Variants in POLA1 observed in about 807,000 individuals in gnomAD.
POLA1 encodes DNA polymerase alpha catalytic subunit.
Under a neutral mutation model 124.0 loss-of-function variants are expected in POLA1, and 15 were observed. The observed-to-expected ratio is 0.12, with a 90% CI of 0.08 to 0.19. The LOEUF (loss-of-function observed/expected upper bound fraction) is 0.19. Among genes scored for constraint, POLA1 ranks in the 10% least tolerant of loss-of-function variants. POLA1 has a pLI of 1.00. For synonymous variants in POLA1, 408 were observed against 389.4 expected, an observed-to-expected ratio of 1.05 and a Z score of -0.56; for missense variants, 886 against 1,103.4, an observed-to-expected ratio of 0.80 and a Z score of 2.79.
chrX:24,714,242 C>T (rs1158087972), intron 4 of POLA1, among the ~76,000 whole-genome samples: 2 of 111,856 alleles, frequency 1.8e-5, no homozygotes, highest in Admixed American at 9.5e-5. Flanking sequence ...ACTGCAAGCT[C>T]CACCTTCTGG....
chrX:24,909,585 A>G (rs1274203540), intron 35 of POLA1, among the ~76,000 whole-genome samples: 2 of 110,158 alleles, frequency 1.8e-5, no homozygotes, highest in Non-Finnish European at 3.8e-5. Flanking sequence ...GTTCTGTTCC[A>G]TTGGTCTATA....
chrX:24,993,737 A>G (rs2048563518), intron 36 of POLA1, among the ~76,000 whole-genome samples: 1 of 111,708 alleles, frequency 9.0e-6, no homozygotes, highest in Non-Finnish European at 1.9e-5. Context: ...AAGACCTTCC[A>G]TATGTTATTG....
intron 26 of POLA1, among the ~76,000 whole-genome samples, chrX:24,762,390 A>T (rs1213238323): frequency 8.9e-6 from 1 of 112,368 alleles, no homozygotes; most frequent in Non-Finnish European, 1.9e-5. Flanking sequence ...AATAAGTGCT[A>T]AGAAAAGGCA....
intron 4 of POLA1, among the ~76,000 whole-genome samples, chrX:24,705,311 T>G (rs1253805568): frequency 8.9e-6 from 1 of 111,922 alleles, no homozygotes; most frequent in Non-Finnish European, 1.9e-5. Context: ...TTTTAAGCGG[T>G]ATTTTAAAAA....
chrX:24,919,257 C>T (rs1215242403), intron 35 of POLA1, among the ~76,000 whole-genome samples: 1 of 112,275 alleles, frequency 8.9e-6, no homozygotes, highest in Non-Finnish European at 1.9e-5. Context: ...TCTCTCTATG[C>T]CAGATTAAGT....
chrX:24,855,512 G>A (rs2061931530), intron 34 of POLA1, among the ~76,000 whole-genome samples: 1 of 111,614 alleles, frequency 9.0e-6, no homozygotes, highest in South Asian at 3.8e-4. Flanking sequence ...CAAGGAGTGG[G>A]TAGGTACATG....
chrX:24,992,081 A>C (rs977396998), intron 36 of POLA1, among the ~76,000 whole-genome samples: 1 of 112,027 alleles, frequency 8.9e-6, no homozygotes, highest in African/African-American at 3.2e-5. Context: ...AGTTTAAAAT[A>C]TGGATGTCAC....
At chrX:24,821,950 T>A (rs1452331814) in intron 31 of POLA1, among the ~76,000 whole-genome samples, 1 of 111,609 alleles carries the variant, frequency 9.0e-6, no homozygotes, top group Non-Finnish European at 1.9e-5. Flanking sequence ...AATGTCCAAA[T>A]AATTATGTGA....
intron 36 of POLA1, among the ~76,000 whole-genome samples, chrX:24,957,474 C>G (rs1431599410): frequency 9.1e-6 from 1 of 110,387 alleles, no homozygotes; most frequent in African/African-American, 3.3e-5. Context: ...AGGTGTATGC[C>G]CTAGAGACAG....
At chrX:24,890,670 C>A (rs1019965264) in intron 35 of POLA1, among the ~76,000 whole-genome samples, 1 of 112,540 alleles carries the variant, frequency 8.9e-6, no homozygotes, top group Non-Finnish European at 1.9e-5. Context: ...CATAGCCTTT[C>A]TAACATTTGG....
Position 24,972,822 on chromosome X carries a change from T to G in POLA1, c.4262-22983T>G, listed in dbSNP as rs763737222. Among the ~76,000 whole-genome samples the G allele has an allele frequency of 9.0e-4, 101 of 112,684 alleles. 1 individual carries two copies. Among genetic ancestry groups the G allele is most frequent in the Admixed American group, 3.4e-3 (36 of 10,675 alleles). On this transcript the variant is annotated intron_variant, in intron 36 of 36. Transcript: ENST00000379068. ...CTTTCCTGAGAAGCTAAGGAATCTG[T>G]AAAAGTCAGCAGGCTTATAGGATAA...
At chrX:24,705,284 A>T (rs1928722470) in intron 4 of POLA1, among the ~76,000 whole-genome samples, 1 of 111,922 alleles carries the variant, frequency 8.9e-6, no homozygotes, top group Admixed American at 9.6e-5. Context: ...CTCTCGAGCT[A>T]AGAATAGTTT....
chrX:24,754,529 C>T (rs1242603027), intron 26 of POLA1, among the ~76,000 whole-genome samples: 1 of 111,874 alleles, frequency 8.9e-6, no homozygotes, highest in Non-Finnish European at 1.9e-5. Flanking sequence ...GCTGGGACTA[C>T]AGGCATGAGC....
intron 36 of POLA1, among the ~76,000 whole-genome samples, chrX:24,973,377 A>G (rs2048326537): frequency 9.1e-6 from 1 of 109,667 alleles, no homozygotes; most frequent in Non-Finnish European, 1.9e-5. Context: ...AAAAAAGAAA[A>G]GGCAAGAAAG....
chrX:24,740,132 C>G (rs1206493787), intron 20 of POLA1, among the ~76,000 whole-genome samples: 1 of 111,723 alleles, frequency 9.0e-6, no homozygotes, highest in Non-Finnish European at 1.9e-5. Flanking sequence ...GAACTCCCAG[C>G]TTGTTCAAAA....
intron 30 of POLA1, among the ~76,000 whole-genome samples, 167 bp downstream of exon 30, chrX:24,815,278 C>T (rs1191026459): frequency 9.0e-6 from 1 of 111,378 alleles, no homozygotes; most frequent in Non-Finnish European, 1.9e-5. Context: ...CTCTTCCAGC[C>T]ACAGGTACTG....
chrX:24,713,480 G>A (rs1467150583), intron 4 of POLA1, among the ~76,000 whole-genome samples: 1 of 110,740 alleles, frequency 9.0e-6, no homozygotes, highest in Non-Finnish European at 1.9e-5. Context: ...GCAGTGGCGC[G>A]ATCCCAGCTC....
At chrX:24,880,914 A>G (rs1169663226) in intron 34 of POLA1, among the ~76,000 whole-genome samples, 2 of 111,825 alleles carry the variant, frequency 1.8e-5, no homozygotes, top group Non-Finnish European at 3.8e-5. Context: ...AACTCAAAGC[A>G]TGCATGCTGC....
At chrX:24,953,154 T>A (rs1336194623) in intron 36 of POLA1, among the ~76,000 whole-genome samples, 1 of 111,855 alleles carries the variant, frequency 8.9e-6, no homozygotes, top group Non-Finnish European at 1.9e-5. Flanking sequence ...ATTTGAAACT[T>A]AGGGCCAGCA....
Sources: gnomAD v4.1 joint callset for allele counts (sites outside exome capture counted in the v4.1 genomes callset) on GRCh38, gnomAD v4.1.1 for gene constraint, MANE v1.5 for transcripts, NCBI Gene and HGNC (gene_info 2026-07-23, HGNC 2026-07-21) for gene names.